ADAM17: variants seen among roughly 807,000 people sequenced by gnomAD.
The protein encoded by ADAM17 is ADAM metallopeptidase domain 17.
In ADAM17, 39 loss-of-function variants were observed where a neutral mutation model predicts 96.7. That is an observed-to-expected ratio of 0.40 (90% CI 0.31 to 0.53). ADAM17 has a LOEUF of 0.53. ADAM17 is among the 20% of genes least tolerant of loss of function. The pLI is 0.44. For missense variants in ADAM17, 777 were observed against 1,013.2 expected (o/e 0.77, Z 3.17); for synonymous variants, 344 against 359.2 (o/e 0.96, Z 0.48).
intron 12 of ADAM17, among the ~76,000 whole-genome samples, chr2:9,503,901 T>G (rs998086380): frequency 6.7e-6 from 1 of 149,982 alleles, no homozygotes; most frequent in Non-Finnish European, 1.5e-5. Flanking sequence ...ACCTAGAATC[T>G]CCACACTTTA....
chr2:9,494,623 A>G lies in ADAM17; in HGVS notation c.1914+14T>C. On this transcript the variant is annotated intron_variant, in intron 15 of 18. Coordinates refer to ENST00000310823, the MANE Select transcript of ADAM17 (RefSeq NM_003183.6). The stretch of plus-strand genomic sequence containing the variant: ...ATCTGGCTGTTACAGAAAAAGCTGT[A>G]CATAAATACTCACATTCATGTCACA... The G allele has an allele frequency of 1.2e-6, 2 of 1,612,826 alleles. No homozygotes were observed. The highest frequency in any genetic ancestry group is 1.7e-6 in the Non-Finnish European group (2 of 1,179,560).
chr2:9,515,362 G>A (rs927588753), intron 10 of ADAM17, among the ~76,000 whole-genome samples: 1 of 151,872 alleles, frequency 6.6e-6, no homozygotes, highest in Non-Finnish European at 1.5e-5. Flanking sequence ...TCATTTTATG[G>A]ATGTGCCAGT....
At chr2:9,529,407 T>C (rs1212015108) in intron 4 of ADAM17, among the ~76,000 whole-genome samples, 3 of 151,994 alleles carry the variant, frequency 2.0e-5, no homozygotes, top group East Asian at 1.9e-4. Context: ...GCTGAGATCA[T>C]GCCACTGCAC....
At chr2:9,537,894 G>A (rs867671034) in intron 2 of ADAM17, among the ~76,000 whole-genome samples, 1 of 71,418 alleles carries the variant, frequency 1.4e-5, no homozygotes, top group African/African-American at 5.3e-5. Flanking sequence ...GGGGAGGGGA[G>A]GGGAGGGGAG....
intron 4 of ADAM17, among the ~76,000 whole-genome samples, chr2:9,535,217 T>TCAC (rs1299305011): frequency 6.6e-6 from 1 of 152,254 alleles, no homozygotes; most frequent in African/African-American, 2.4e-5. Context: ...TTTAGTGATA[T>TCAC]CACCACCACC....
intron 1 of ADAM17, 45 bp downstream of exon 1, chr2:9,555,464 G>T (rs766011953): frequency 2.0e-6 from 3 of 1,490,754 alleles, no homozygotes; most frequent in Admixed American, 2.3e-5. Flanking sequence ...TCCCTCAAAC[G>T]AGCGCTCCAG....
rs763358232 is a variant in ADAM17 at position 9,497,157 on chromosome 2, A to G, written c.1740T>C (p.Pro580=). ...CCAGCTGCTGTTCCCTCTCGCAGAA[A>G]GGGATGCATTTCCCATCCTTACACT... ...LGKCKDGKCI[P]FCEREQQLES... is the part of the protein sequence containing the mutation. Residue 580 remains proline (P), a synonymous_variant, in exon 14 of 19, where the codon CCT becomes CCC. Transcript: ENST00000310823. The G allele has an allele frequency of 1.5e-5, 25 of 1,614,216 alleles. 1 individual carries two copies. The East Asian group carries it at 5.6e-4, about 36-fold the overall frequency.
At chr2:9,525,734 A>T (rs1403072584) in intron 6 of ADAM17, among the ~76,000 whole-genome samples, 1 of 152,180 alleles carries the variant, frequency 6.6e-6, no homozygotes, top group Non-Finnish European at 1.5e-5. Context: ...TATACATATA[A>T]GCAAAAGAAA....
chr2:9,521,319 A>G lies in ADAM17; in HGVS notation c.844-3T>C, dbSNP rs774514863. The G allele has an allele frequency of 2.5e-6, 4 of 1,571,182 alleles. No homozygotes were observed. The highest frequency in any genetic ancestry group is 1.7e-5 in the Admixed American group (1 of 59,906). Reference sequence around the variant, plus strand: ...TGTGGAGACTTGAGAATGCGAATCTATACTTAAAGAGATCATATACTTAGA... The same window carrying G: ...TGTGGAGACTTGAGAATGCGAATCTGTACTTAAAGAGATCATATACTTAGA... On this transcript the variant is annotated splice_polypyrimidine_tract_variant and splice_region_variant and intron_variant, in intron 7 of 18. Coordinates refer to ENST00000310823, the MANE Select transcript of ADAM17 (RefSeq NM_003183.6).
At chr2:9,513,636 T>C (rs1483554216) in intron 10 of ADAM17, among the ~76,000 whole-genome samples, 2 of 152,136 alleles carry the variant, frequency 1.3e-5, no homozygotes, top group Non-Finnish European at 2.9e-5. Context: ...ACAAGTCTTC[T>C]GTGTTGATGA....
At chr2:9,535,979 G>C (rs190534016) in intron 3 of ADAM17, 57 bp from the exon 4 acceptor site, 55 of 1,185,124 alleles carry the variant, frequency 4.6e-5, no homozygotes, top group Non-Finnish European at 5.7e-5. Context: ...AAGAAACTAT[G>C]CATTACTCTC....
intron 12 of ADAM17, among the ~76,000 whole-genome samples, chr2:9,503,765 G>A (rs1176054879): frequency 6.6e-6 from 1 of 151,222 alleles, no homozygotes; most frequent in Non-Finnish European, 1.5e-5. Flanking sequence ...TTGAACCCAG[G>A]AGGCGGAGGT....
chr2:9,542,527 A>C (rs1416673730), intron 2 of ADAM17, among the ~76,000 whole-genome samples: 2 of 152,214 alleles, frequency 1.3e-5, no homozygotes, highest in Non-Finnish European at 2.9e-5. Context: ...TATAAAGATA[A>C]TATTTAGCAC....
In ADAM17 at chr2:9,490,567, G is replaced by C. The variant is rs145510201; in HGVS notation, c.2134-49C>G. On this transcript the variant is annotated intron_variant, in intron 18 of 18. Coordinates refer to ENST00000310823, the MANE Select transcript of ADAM17 (RefSeq NM_003183.6). ...ATTGATAGGAATAAAAGATGAATCG[G>C]AGGTCCTCACAGCTCCACCCTTACC... 4.8e-5 allele frequency: 74 copies of C among 1,530,470 alleles called. No individual in the cohort carries two copies. The East Asian group carries it at 8.9e-4, about 18-fold the overall frequency. 94.8% of individuals were successfully genotyped at this position (1,530,470 alleles called of 1,614,324 possible). A position where few individuals can be genotyped will look rare whatever the true frequency, so the allele number is the denominator to read the frequency against.
In ADAM17 at chr2:9,518,007, CAG is replaced by C. The variant is rs756115310; in HGVS notation, c.1103-20_1103-19del. On this transcript the variant is annotated intron_variant, in intron 9 of 18. Coordinates refer to ENST00000310823, the MANE Select transcript of ADAM17 (RefSeq NM_003183.6). ...ATAATAAGCTAAAGTCAAAAGGAAA[CAG>C]AGATAAATTGCTTATTAAATACAGA... 2.9e-5 allele frequency: 46 copies of C among 1,584,714 alleles called. No individual in the cohort carries two copies. The highest frequency in any genetic ancestry group is 3.7e-5 in the Non-Finnish European group (43 of 1,169,446).
intron 5 of ADAM17, among the ~76,000 whole-genome samples, chr2:9,526,757 T>C (rs776191528): frequency 2.4e-4 from 37 of 151,904 alleles, no homozygotes; most frequent in African/African-American, 5.8e-4. Context: ...GATTGTGCCA[T>C]TGCACTCAAG....
At chr2:9,543,535 C>T (rs965930239) in intron 1 of ADAM17, among the ~76,000 whole-genome samples, 10 of 152,204 alleles carry the variant, frequency 6.6e-5, no homozygotes, top group Admixed American at 5.2e-4. Context: ...GATGCCTTCC[C>T]TTTCTTTCAA....
chr2:9,497,223 T>C lies in ADAM17; in HGVS notation c.1674A>G (p.Pro558=), dbSNP rs779804030. The change falls in exon 14 of 19, where the codon CCA becomes CCG. Residue 558 remains proline, a synonymous_variant. Coordinates refer to ENST00000310823, the MANE Select transcript of ADAM17 (RefSeq NM_003183.6). ...CTGNSSECPP[P]GNAEDDTVCL... is the part of the protein sequence containing the mutation. ...AAACAGTGTCATCTTCAGCATTTCC[T>C]GGAGGCGGGCACTCACTGCTATTAC... 6.8e-6 allele frequency: 11 copies of C among 1,614,222 alleles called. No homozygotes were observed. In the Admixed American group the frequency reaches 1.7e-4, roughly 24 times the overall value.
intron 4 of ADAM17, among the ~76,000 whole-genome samples, chr2:9,532,526 C>T (rs746194984): frequency 2.0e-5 from 3 of 152,094 alleles, no homozygotes; most frequent in Non-Finnish European, 4.4e-5. Flanking sequence ...GGCTGGAGTG[C>T]AGCAGTACAA....
Sources: allele counts gnomAD v4.1 joint callset (sites outside exome capture counted in the v4.1 genomes callset), GRCh38; gene constraint gnomAD v4.1.1; transcripts MANE v1.5; gene names NCBI Gene and HGNC (gene_info 2026-07-23, HGNC 2026-07-21).